MAPKAPK2: variants seen among roughly 807,000 people sequenced by gnomAD.
The protein encoded by MAPKAPK2 is MAPK activated protein kinase 2, also known as MAP kinase-activated protein kinase 2.
MAPKAPK2 carries 9 observed loss-of-function variants against 48.8 expected under a neutral mutation model. That is an observed-to-expected ratio of 0.18 (90% CI 0.11 to 0.32). The LOEUF is 0.32. Ranked by LOEUF, MAPKAPK2 falls within the 10% of genes least tolerant of loss-of-function variation. MAPKAPK2 has a pLI of 1.00. For synonymous variants in MAPKAPK2, 202 were observed against 190.6 expected, an observed-to-expected ratio of 1.06 and a Z score of -0.49; for missense variants, 331 against 498.3, an observed-to-expected ratio of 0.66 and a Z score of 3.20.
chr1:206,694,651 G>T (rs1489006732), intron 1 of MAPKAPK2, among the ~76,000 whole-genome samples: 4 of 152,208 alleles, frequency 2.6e-5, no homozygotes, highest in African/African-American at 9.7e-5. Flanking sequence ...GTCATGCTTG[G>T]CTTCTGCAGA....
chr1:206,685,270 T>TGCCCCCCCCCCC lies in MAPKAPK2; in HGVS notation c.41_42insGCCCCCCCCCCC (p.Phe14delinsLeuProProProPro). ...CAGGGCCAGAGCCCGCCGGTGCCGTTCCCCGCCCCGGCCCCGCCGCCGCAG... is the reference window on the plus strand; with the variant it reads ...CAGGGCCAGAGCCCGCCGGTGCCGTTGCCCCCCCCCCCCCCCGCCCCGGCCCCGCCGCCGCAG... On this transcript the variant is annotated protein_altering_variant, in exon 1 of 10. Transcript: ENST00000367103. The TGCCCCCCCCCCC allele has an allele frequency of 1.8e-6, 1 of 566,982 alleles. No individual in the cohort carries two copies. Among genetic ancestry groups the TGCCCCCCCCCCC allele is most frequent in the Non-Finnish European group, 2.6e-6 (1 of 379,590 alleles). 35.1% of individuals were successfully genotyped at this position (566,982 alleles called of 1,614,324 possible).
rs1211195599 is a variant in MAPKAPK2 at position 206,720,856 on chromosome 1, CT to C, written c.280-7853del. Reference sequence around the variant, plus strand: ...TTCTAGACAATGACAGTGATGATACCTGAGAATCTAGTAGACACTCAGGAAT... The same window carrying C: ...TTCTAGACAATGACAGTGATGATACCGAGAATCTAGTAGACACTCAGGAAT... On this transcript the variant is annotated intron_variant, in intron 1 of 9. Coordinates refer to ENST00000367103, the MANE Select transcript of MAPKAPK2 (RefSeq NM_032960.4). Among the ~76,000 whole-genome samples, 4 of 152,056 alleles carry C rather than the reference CT, an allele frequency of 2.6e-5. No homozygotes were observed. The East Asian group carries it at 5.8e-4, about 22-fold the overall frequency.
chr1:206,698,257 G>A (rs1244471544), intron 1 of MAPKAPK2, among the ~76,000 whole-genome samples: 1 of 152,216 alleles, frequency 6.6e-6, no homozygotes, highest in Non-Finnish European at 1.5e-5. Flanking sequence ...GCTTGGAATG[G>A]CAGAACAGTC....
At chr1:206,705,059 T>C (rs1273586444) in intron 1 of MAPKAPK2, among the ~76,000 whole-genome samples, 1 of 152,240 alleles carries the variant, frequency 6.6e-6, no homozygotes, top group Non-Finnish European at 1.5e-5. Context: ...TGACCCCTTT[T>C]TACTTAGCAC....
At chr1:206,720,189 C>G (rs1673471957) in intron 1 of MAPKAPK2, among the ~76,000 whole-genome samples, 2 of 152,180 alleles carry the variant, frequency 1.3e-5, no homozygotes. Context: ...TGGCTGCCCT[C>G]TGACTAAAAT....
chr1:206,723,848 A>T (rs148245396), intron 1 of MAPKAPK2, among the ~76,000 whole-genome samples: 370 of 152,294 alleles, frequency 2.4e-3, no homozygotes, highest in Admixed American at 4.3e-3. Context: ...GCTGTCCTAG[A>T]GCTTCCTTCC....
intron 5 of MAPKAPK2, 51 bp downstream of exon 5, chr1:206,730,149 A>G: frequency 6.2e-7 from 1 of 1,610,064 alleles, no homozygotes. Flanking sequence ...AACTTTTCTC[A>G]GCCCCTCCTC....
rs1558590416 is a variant in MAPKAPK2 at position 206,732,286 on chromosome 1, A to C, written c.1060-289A>C. On this transcript the variant is annotated intron_variant, in intron 9 of 9. Coordinates refer to ENST00000367103, the MANE Select transcript of MAPKAPK2 (RefSeq NM_032960.4). This position sits in a 1 kb window ranked among gnomAD's most constrained non-coding sequence, Gnocchi z 4.4. ...TGACTGGTTGGGGCAGACCGGACCCAGGTTTCCTGACTCCTGGCCCAAGTC... is the reference window on the plus strand; with the variant it reads ...TGACTGGTTGGGGCAGACCGGACCCCGGTTTCCTGACTCCTGGCCCAAGTC... 2.1e-6 allele frequency: 3 copies of C among 1,449,096 alleles called. No individual in the cohort carries two copies. Among genetic ancestry groups the C allele is most frequent in the African/African-American group, 1.4e-5 (1 of 69,934 alleles). 89.8% of individuals were successfully genotyped at this position (1,449,096 alleles called of 1,614,324 possible).
intron 1 of MAPKAPK2, among the ~76,000 whole-genome samples, chr1:206,723,617 C>T (rs952776839): frequency 2.0e-5 from 3 of 152,170 alleles, no homozygotes; most frequent in Non-Finnish European, 2.9e-5. Flanking sequence ...GCCCTGGGTG[C>T]CGGCTGCTTT....
chr1:206,695,914 C>G, intron 1 of MAPKAPK2: 1 of 633,600 alleles, frequency 1.6e-6, no homozygotes. Flanking sequence ...ATCTTCATAC[C>G]TGAGCGGGCA....
intron 1 of MAPKAPK2, among the ~76,000 whole-genome samples, chr1:206,724,279 C>G (rs1235115452): frequency 6.6e-6 from 1 of 152,202 alleles, no homozygotes; most frequent in African/African-American, 2.4e-5. Context: ...CCTTCCCTGT[C>G]TCTTCTTTGG....
chr1:206,685,340 G>A lies in MAPKAPK2; in HGVS notation c.111G>A (p.Pro37=), dbSNP rs1476593736. The change falls in exon 1 of 10, where the codon CCG becomes CCA. Residue 37 remains proline, a synonymous_variant. Transcript: ENST00000367103. ...CGCACCCCCCGGCGCAGCCGCCGCC[G>A]CCGCCCCCGCAGCAGTTCCCGCAGT... ...ALPHPPAQPP[P]PPPQQFPQFH... is the part of the protein sequence containing the mutation. 12 of 1,243,076 alleles carry A rather than the reference G, an allele frequency of 9.7e-6. No homozygotes were observed. Among genetic ancestry groups the A allele is most frequent in the Admixed American group, 7.1e-5 (3 of 42,082 alleles). The allele number at this position is 1,243,076 out of a possible 1,614,324, so 77.0% of individuals were successfully genotyped here. A position where few individuals can be genotyped will look rare whatever the true frequency, so the allele number is the denominator to read the frequency against.
rs938006308 is a variant in MAPKAPK2, at chr1:206,732,874, C to G, written c.*156C>G. On this transcript the variant is annotated 3_prime_UTR_variant, in exon 10 of 10. Coordinates refer to ENST00000367103, the MANE Select transcript of MAPKAPK2 (RefSeq NM_032960.4). This position sits in a 1 kb window ranked among gnomAD's most constrained non-coding sequence, Gnocchi z 4.4. ...TCAGTGACTGAATTCTGCCTTGGTT[C>G]TGGCCACCCCAGAGTGGGAGAGGCT... 8 of 874,568 alleles carry G rather than the reference C, an allele frequency of 9.1e-6. No individual in the cohort carries two copies. The highest frequency in any genetic ancestry group is 1.4e-5 in the Non-Finnish European group (8 of 590,320). The allele number at this position is 874,568 out of a possible 1,614,324, so 54.2% of individuals were successfully genotyped here.
Position 206,685,343 on chromosome 1 carries a change from GC to G in MAPKAPK2, c.119del (p.Pro40ArgfsTer96). ...ACCCCCCGGCGCAGCCGCCGCCGCC[GC>G]CCCCGCAGCAGTTCCCGCAGTTCCA... is the stretch of plus-strand genomic sequence containing the variant. ...PHPPAQPPPP[P>X]PQQFPQFHVK... On this transcript the variant is annotated frameshift_variant, in exon 1 of 10. Coordinates refer to ENST00000367103, the MANE Select transcript of MAPKAPK2 (RefSeq NM_032960.4). LOFTEE classifies it high-confidence loss of function. 1.6e-6 allele frequency: 2 copies of G among 1,254,410 alleles called. No individual in the cohort carries two copies. The highest frequency in any genetic ancestry group is 1.0e-6 in the Non-Finnish European group (1 of 956,326). The allele number at this position is 1,254,410 out of a possible 1,614,324, so 77.7% of individuals were successfully genotyped here.
intron 1 of MAPKAPK2, among the ~76,000 whole-genome samples, chr1:206,690,214 G>C (rs1367230522): frequency 1.3e-5 from 2 of 152,248 alleles, no homozygotes; most frequent in Non-Finnish European, 2.9e-5. Flanking sequence ...AGAATTATGA[G>C]GGAAGGGTCA....
intron 1 of MAPKAPK2, among the ~76,000 whole-genome samples, chr1:206,725,173 T>A (rs1673665216): frequency 6.6e-6 from 1 of 152,224 alleles, no homozygotes; most frequent in Non-Finnish European, 1.5e-5. Context: ...GCACAAACTC[T>A]CCTTTGCCTT....
intron 1 of MAPKAPK2, among the ~76,000 whole-genome samples, chr1:206,690,809 C>T (rs1319406146): frequency 6.6e-6 from 1 of 152,212 alleles, no homozygotes; most frequent in Non-Finnish European, 1.5e-5. Flanking sequence ...TCCCAAGCAG[C>T]CTTGCCATGC....
chr1:206,714,758 C>T (rs1452849144), intron 1 of MAPKAPK2, among the ~76,000 whole-genome samples: 10 of 89,420 alleles, frequency 1.1e-4, no homozygotes, highest in African/African-American at 1.5e-4. Flanking sequence ...GAGTGAAACT[C>T]GGTCACAAAA....
At chr1:206,706,796 G>C (rs1672973362) in intron 1 of MAPKAPK2, among the ~76,000 whole-genome samples, 1 of 152,184 alleles carries the variant, frequency 6.6e-6, no homozygotes, top group African/African-American at 2.4e-5. Flanking sequence ...CTTCAGATGT[G>C]CTCTTTCTAG....
Sources: gnomAD v4.1 joint callset for allele counts (sites outside exome capture counted in the v4.1 genomes callset) on GRCh38, gnomAD v4.1.1 for gene constraint, Gnocchi (gnomAD v3.1) non-coding constraint, MANE v1.5 for transcripts, NCBI Gene and HGNC (gene_info 2026-07-23, HGNC 2026-07-21) for gene names.